KCTD16: variants seen among roughly 807,000 people sequenced by gnomAD.
KCTD16 encodes the protein BTB/POZ domain-containing protein KCTD16.
A neutral mutation model predicts 33.2 loss-of-function variants in KCTD16; 13 were observed. The ratio of observed to expected loss-of-function variants is 0.39; its 90% confidence interval spans 0.25 to 0.62. The LOEUF (loss-of-function observed/expected upper bound fraction) is 0.62. KCTD16 is among the 20% of genes least tolerant of loss of function. The pLI, the probability that KCTD16 is intolerant of heterozygous loss-of-function variation, is 0.50. For synonymous variants in KCTD16, 197 were observed against 195.3 expected (o/e 1.01, Z -0.07); for missense variants, 441 against 525.1 (o/e 0.84, Z 1.57).
At chr5:144,180,168 A>G (rs1301323852) in intron 2 of KCTD16, among the ~76,000 whole-genome samples, 2 of 152,172 alleles carry the variant, frequency 1.3e-5, no homozygotes, top group African/African-American at 2.4e-5. Flanking sequence ...GCCAATGACT[A>G]TCCTTGCTGT....
At chr5:144,262,442 G>A (rs1755037851) in intron 3 of KCTD16, among the ~76,000 whole-genome samples, 1 of 152,160 alleles carries the variant, frequency 6.6e-6, no homozygotes, top group African/African-American at 2.4e-5. Context: ...TAACATGACT[G>A]ACCTGATTTA....
chr5:144,328,702 G>A (rs1242752836), intron 3 of KCTD16, among the ~76,000 whole-genome samples: 2 of 151,956 alleles, frequency 1.3e-5, no homozygotes, highest in African/African-American at 4.8e-5. Context: ...CCTCCAGTGT[G>A]TGTCCAGCTG....
rs2127008458 is a variant in KCTD16, at chr5:144,482,652, GA to G, written c.*8542del. 6.6e-6 allele frequency: 1 copy of G among 151,834 alleles called. No individual in the cohort carries two copies. Among genetic ancestry groups the G allele is most frequent in the African/African-American group, 2.4e-5 (1 of 41,462 alleles). 9.4% of individuals were successfully genotyped at this position (151,834 alleles called of 1,614,324 possible). The stretch of plus-strand genomic sequence containing the variant: ...GTTGGGAAAAAGAGAGGCAGCTTTA[GA>G]AAAGAAACTTCACCGAAATACGTGC... On this transcript the variant is annotated 3_prime_UTR_variant, in exon 4 of 4. Coordinates refer to ENST00000512467, the MANE Select transcript of KCTD16 (RefSeq NM_020768.4).
chr5:144,388,245 A>AT (rs560711475), intron 3 of KCTD16, among the ~76,000 whole-genome samples: 4,473 of 149,126 alleles, frequency 0.03, 97 homozygotes, highest in African/African-American at 0.05. Flanking sequence ...ACGCCCAGCT[A>AT]TTTTTTTTTG....
intron 3 of KCTD16, among the ~76,000 whole-genome samples, chr5:144,304,486 T>C (rs917860567): frequency 2.6e-5 from 4 of 152,172 alleles, no homozygotes; most frequent in Non-Finnish European, 4.4e-5. Context: ...GAATTTGAAT[T>C]GATCAGCCTG....
chr5:144,198,095 C>T (rs1752972036), intron 2 of KCTD16, among the ~76,000 whole-genome samples: 1 of 152,088 alleles, frequency 6.6e-6, no homozygotes, highest in South Asian at 2.1e-4. Flanking sequence ...CGGACCTGAC[C>T]AAATGAAAAG....
chr5:144,402,464 A>T (rs981098926), intron 3 of KCTD16, among the ~76,000 whole-genome samples: 2 of 152,176 alleles, frequency 1.3e-5, no homozygotes, highest in African/African-American at 4.8e-5. Flanking sequence ...CAAGAAGAGT[A>T]CAGCTTAGTG....
chr5:144,428,990 G>A, intron 3 of KCTD16, among the ~76,000 whole-genome samples: 1 of 152,144 alleles, frequency 6.6e-6, no homozygotes, highest in East Asian at 1.9e-4. Context: ...TCAAGATTGT[G>A]TGTTCTGCTG....
intron 3 of KCTD16, among the ~76,000 whole-genome samples, chr5:144,403,374 T>C (rs544559074): frequency 1.3e-5 from 2 of 152,100 alleles, no homozygotes; most frequent in Non-Finnish European, 2.9e-5. Context: ...CAAGGAAAAT[T>C]TGGACACAGA....
intron 3 of KCTD16, among the ~76,000 whole-genome samples, chr5:144,442,613 T>C (rs1298918176): frequency 5.9e-5 from 9 of 151,738 alleles, no homozygotes; most frequent in Non-Finnish European, 1.3e-4. Flanking sequence ...TTGATTATTT[T>C]GACTTATTTT....
chr5:144,252,022 G>A (rs1754714333), intron 3 of KCTD16, among the ~76,000 whole-genome samples: 1 of 152,036 alleles, frequency 6.6e-6, no homozygotes, highest in African/African-American at 2.4e-5. Context: ...GTGATGTTTT[G>A]ATATGTTTAT....
At chr5:144,204,316 A>G (rs1048549749) in intron 2 of KCTD16, among the ~76,000 whole-genome samples, 1 of 152,170 alleles carries the variant, frequency 6.6e-6, no homozygotes, top group Non-Finnish European at 1.5e-5. Context: ...ACCAAGCACT[A>G]TATTCTTATC....
In KCTD16 at chr5:144,360,442, T is replaced by A. The variant is rs578077891; in HGVS notation, c.833-113218T>A. 1.3e-3 allele frequency among the ~76,000 whole-genome samples: 197 copies of A among 152,158 alleles called. 7 individuals are homozygous for A. In the South Asian group the frequency reaches 0.04, roughly 31 times the overall value. On this transcript the variant is annotated intron_variant, in intron 3 of 3. Transcript: ENST00000512467. Reference sequence around the variant, plus strand: ...AAAAGACATGAATTCATCCCTTTTTTTTTTTTTGAGATGGAATCTCGCTCT... The same window carrying A: ...AAAAGACATGAATTCATCCCTTTTTATTTTTTTGAGATGGAATCTCGCTCT...
chr5:144,278,833 C>T (rs1416361613), intron 3 of KCTD16, among the ~76,000 whole-genome samples: 1 of 152,170 alleles, frequency 6.6e-6, no homozygotes, highest in Non-Finnish European at 1.5e-5. Context: ...AACAGCTTGT[C>T]ACTACCTCCA....
At chr5:144,275,706 C>T (rs1050833823) in intron 3 of KCTD16, among the ~76,000 whole-genome samples, 5 of 152,068 alleles carry the variant, frequency 3.3e-5, no homozygotes, top group Non-Finnish European at 5.9e-5. Context: ...GAACACTGAA[C>T]GGCGAGGGAT....
chr5:144,243,024 C>G (rs1370573642), intron 3 of KCTD16, among the ~76,000 whole-genome samples: 3 of 152,148 alleles, frequency 2.0e-5, no homozygotes, highest in African/African-American at 7.2e-5. Context: ...TTTCAAGATT[C>G]CATCTGGGAT....
chr5:144,328,724 A>G (rs920639803), intron 3 of KCTD16, among the ~76,000 whole-genome samples: 2 of 151,882 alleles, frequency 1.3e-5, no homozygotes, highest in African/African-American at 4.8e-5. Flanking sequence ...TGTCAGCTAC[A>G]CCCTGCTACT....
chr5:144,480,263 G>GT lies in KCTD16; in HGVS notation c.*6152dup, dbSNP rs1754678813. 1 of 151,956 alleles carries GT rather than the reference G, an allele frequency of 6.6e-6. No individual in the cohort carries two copies. Among genetic ancestry groups the GT allele is most frequent in the African/African-American group, 2.4e-5 (1 of 41,420 alleles). The allele number at this position is 151,956 out of a possible 1,614,324, so 9.4% of individuals were successfully genotyped here. A position where few individuals can be genotyped will look rare whatever the true frequency, so the allele number is the denominator to read the frequency against. ...CATGGAAAAAGCCTTTGGTTACATA[G>GT]TTTAACAGCTTTTTAGTTCAGCACA... On this transcript the variant is annotated 3_prime_UTR_variant, in exon 4 of 4. Coordinates refer to ENST00000512467, the MANE Select transcript of KCTD16 (RefSeq NM_020768.4).
intron 3 of KCTD16, among the ~76,000 whole-genome samples, chr5:144,340,532 T>G (rs1425453034): frequency 1.3e-5 from 2 of 152,212 alleles, no homozygotes; most frequent in South Asian, 2.1e-4. Context: ...CCAAGTATTA[T>G]GAAAGAGGCA....
Sources: gnomAD v4.1 joint callset for allele counts (sites outside exome capture counted in the v4.1 genomes callset) on GRCh38, gnomAD v4.1.1 for gene constraint, MANE v1.5 for transcripts, NCBI Gene and HGNC (gene_info 2026-07-23, HGNC 2026-07-21) for gene names.